Variants in KIF3B observed in about 807,000 individuals in gnomAD.
KIF3B encodes the protein kinesin family member 3B.
In KIF3B, 38 loss-of-function variants were observed where a neutral mutation model predicts 74.3. The ratio of observed to expected loss-of-function variants is 0.51; its 90% CI spans 0.39 to 0.67. The LOEUF is 0.67. Among genes scored for constraint, KIF3B ranks in the 30% least tolerant of loss-of-function variants. KIF3B has a pLI of 0.00. For missense variants in KIF3B, 649 were observed against 932.0 expected, an observed-to-expected ratio of 0.70 and a Z score of 3.95; for synonymous variants, 326 against 342.5, an observed-to-expected ratio of 0.95 and a Z score of 0.53.
intron 1 of KIF3B, among the ~76,000 whole-genome samples, chr20:32,291,538 A>G (rs1569190062): frequency 6.6e-6 from 1 of 152,084 alleles, no homozygotes; most frequent in Non-Finnish European, 1.5e-5. Context: ...TTTTAAAATA[A>G]TAACATTTTT....
intron 1 of KIF3B, among the ~76,000 whole-genome samples, chr20:32,283,149 A>G (rs1458653783): frequency 6.6e-6 from 1 of 151,832 alleles, no homozygotes; most frequent in Non-Finnish European, 1.5e-5. Flanking sequence ...TGATCCTTCT[A>G]CCTCAGTCTC....
chr20:32,333,761 T>A lies in KIF3B; in HGVS notation c.*2442T>A, dbSNP rs76384879. 0.027 allele frequency: 4,071 copies of A among 152,240 alleles called. 180 individuals are homozygous for A. Among genetic ancestry groups the A allele is most frequent in the African/African-American group, 0.093 (3,873 of 41,490 alleles). 9.4% of individuals were successfully genotyped at this position (152,240 alleles called of 1,614,324 possible). On this transcript the variant is annotated 3_prime_UTR_variant, in exon 9 of 9. Coordinates refer to ENST00000375712, the MANE Select transcript of KIF3B (RefSeq NM_004798.4). Reference sequence around the variant, plus strand: ...GGTGGTTAAGTGACACATAGAACTTTTCTAAGAGAAGACAGACAAGTTGAC... The same window carrying A: ...GGTGGTTAAGTGACACATAGAACTTATCTAAGAGAAGACAGACAAGTTGAC...
intron 5 of KIF3B, 100 bp downstream of exon 5, chr20:32,316,974 G>A (rs2145245): frequency 0.2 from 171,175 of 874,792 alleles, 20,463 homozygotes; most frequent in African/African-American, 0.48. Context: ...GGTGGCCTAC[G>A]CCTGTAATCC....
chr20:32,279,031 C>A (rs1159850290), intron 1 of KIF3B, among the ~76,000 whole-genome samples: 5 of 148,118 alleles, frequency 3.4e-5, no homozygotes, highest in Non-Finnish European at 7.4e-5. Context: ...TCAAGCGATT[C>A]TCCTGCCTCA....
At chr20:32,294,982 C>G (rs1280157997) in intron 1 of KIF3B, among the ~76,000 whole-genome samples, 1 of 152,136 alleles carries the variant, frequency 6.6e-6, no homozygotes, top group Non-Finnish European at 1.5e-5. Context: ...ATAATCTAAC[C>G]ACTCCCTTAT....
chr20:32,312,461 C>T (rs1195112179), intron 2 of KIF3B, among the ~76,000 whole-genome samples: 1 of 152,100 alleles, frequency 6.6e-6, no homozygotes, highest in East Asian at 1.9e-4. Flanking sequence ...TAACCATCAT[C>T]CTGAATTCGG....
In KIF3B at chr20:32,323,772, G is replaced by A. The variant is rs938966965; in HGVS notation, c.1749-2999G>A. ...GGGCGCCTGTAATCTCAACTACTCG[G>A]GAGGCTGAGGCAGGAAAATTGCTTG... On this transcript the variant is annotated intron_variant, in intron 5 of 8. Coordinates refer to ENST00000375712, the MANE Select transcript of KIF3B (RefSeq NM_004798.4). 3.3e-5 allele frequency among the ~76,000 whole-genome samples: 5 copies of A among 152,110 alleles called. No individual in the cohort carries two copies. In the East Asian group the frequency reaches 9.7e-4, roughly 30 times the overall value.
chr20:32,330,832 A>G (rs749572014), intron 8 of KIF3B, among the ~76,000 whole-genome samples: 2 of 152,222 alleles, frequency 1.3e-5, no homozygotes, highest in Non-Finnish European at 2.9e-5. Context: ...TACCTCACCC[A>G]TGTGGTGCAA....
At chr20:32,289,661 A>G (rs2047682297) in intron 1 of KIF3B, among the ~76,000 whole-genome samples, 1 of 152,148 alleles carries the variant, frequency 6.6e-6, no homozygotes, top group Admixed American at 6.6e-5. Context: ...CTGATTTTCC[A>G]TTCATGGTGG....
chr20:32,319,534 A>G (rs540401242), intron 5 of KIF3B, among the ~76,000 whole-genome samples: 1 of 144,134 alleles, frequency 6.9e-6, no homozygotes, highest in South Asian at 2.2e-4. Flanking sequence ...TCATACACAC[A>G]CACACACACA....
chr20:32,327,014 C>G, intron 6 of KIF3B, 130 bp downstream of exon 6: 1 of 567,728 alleles, frequency 1.8e-6, no homozygotes, highest in Non-Finnish European at 3.1e-6. Context: ...TCAAAACCCA[C>G]TGCATTACTG....
chr20:32,287,247 C>T (rs1298889978), intron 1 of KIF3B, among the ~76,000 whole-genome samples: 1 of 150,732 alleles, frequency 6.6e-6, no homozygotes, highest in Non-Finnish European at 1.5e-5. Context: ...AACTCCTAGG[C>T]TCAAGCGATC....
rs1291327990 is a variant in KIF3B, at chr20:32,288,750, T to G, written c.-66+10985T>G. Among the ~76,000 whole-genome samples, 3 of 152,166 alleles carry G rather than the reference T, an allele frequency of 2.0e-5. No individual in the cohort carries two copies. The East Asian group carries it at 5.8e-4, about 29-fold the overall frequency. On this transcript the variant is annotated intron_variant, in intron 1 of 8. Coordinates refer to ENST00000375712, the MANE Select transcript of KIF3B (RefSeq NM_004798.4). ...GTCTCACTCTGTCGCCTCAGCTCAC[T>G]GCAACCTCCGCCTCCTGGGTTCAAG... is the stretch of plus-strand genomic sequence containing the variant.
intron 5 of KIF3B, 132 bp downstream of exon 5, chr20:32,317,006 C>T (rs780295650): frequency 3.1e-5 from 21 of 682,026 alleles, no homozygotes; most frequent in African/African-American, 1.6e-4. Flanking sequence ...GAAGCGGAGG[C>T]GGGCAGATCA....
At chr20:32,287,162 C>T (rs1008124963) in intron 1 of KIF3B, among the ~76,000 whole-genome samples, 1 of 152,034 alleles carries the variant, frequency 6.6e-6, no homozygotes, top group Non-Finnish European at 1.5e-5. Flanking sequence ...TATTTTTGTA[C>T]TTATTTATTT....
At chr20:32,323,138 A>ATATT (rs2047883511) in intron 5 of KIF3B, among the ~76,000 whole-genome samples, 4 of 93,520 alleles carry the variant, frequency 4.3e-5, no homozygotes, top group South Asian at 3.1e-4. Context: ...ATATATTTAC[A>ATATT]TATATTTATA....
rs563084470 is a variant in KIF3B at position 32,334,918 on chromosome 20, T to C, written c.*3599T>C. On this transcript the variant is annotated 3_prime_UTR_variant, in exon 9 of 9. Transcript: ENST00000375712. ...GGGGCTCTAAGTTTTACAATTGATA[T>C]TTATTTGTATCATCTCTTTGTCTAG... 1 of 152,800 alleles carries C rather than the reference T, an allele frequency of 6.5e-6. No individual in the cohort carries two copies. The highest frequency in any genetic ancestry group is 1.9e-4 in the East Asian group (1 of 5,188). The allele number at this position is 152,800 out of a possible 1,614,324, so 9.5% of individuals were successfully genotyped here.
chr20:32,317,282 C>T (rs952486711), intron 5 of KIF3B, among the ~76,000 whole-genome samples: 5 of 152,096 alleles, frequency 3.3e-5, no homozygotes, highest in African/African-American at 1.2e-4. Context: ...CAGCTCATCT[C>T]CTGCCACCCC....
In KIF3B at chr20:32,333,060, A is replaced by G. The variant is rs1275364358; in HGVS notation, c.*1741A>G. 1 of 152,554 alleles carries G rather than the reference A, an allele frequency of 6.6e-6. No homozygotes were observed. Among genetic ancestry groups the G allele is most frequent in the Admixed American group, 6.6e-5 (1 of 15,262 alleles). The allele number at this position is 152,554 out of a possible 1,614,324, so 9.5% of individuals were successfully genotyped here. On this transcript the variant is annotated 3_prime_UTR_variant, in exon 9 of 9. Coordinates refer to ENST00000375712, the MANE Select transcript of KIF3B (RefSeq NM_004798.4). ...AGTGCAATGTCTTAGCATTCTGCAA[A>G]ATGGAGATCTGTTGTCCAGCGGCTT...
Sources: gnomAD v4.1 joint callset for allele counts (sites outside exome capture counted in the v4.1 genomes callset) on GRCh38, gnomAD v4.1.1 for gene constraint, MANE v1.5 for transcripts, NCBI Gene and HGNC (gene_info 2026-07-23, HGNC 2026-07-21) for gene names.